The following SPIDR variants were observed in gnomAD, a reference collection of about 807,000 sequenced individuals.
SPIDR encodes the protein scaffold protein involved in DNA repair.
SPIDR carries 93 observed loss-of-function variants against 104.6 expected under a neutral mutation model. The observed-to-expected ratio is 0.89, with a 90% CI of 0.75 to 1.06. The LOEUF (loss-of-function observed/expected upper bound fraction) is 1.06. Ranked by LOEUF, SPIDR falls within the 50% of genes least tolerant of loss-of-function variation. SPIDR has a pLI of 0.00. For synonymous variants in SPIDR, 431 were observed against 416.9 expected (o/e 1.03, Z -0.41); for missense variants, 1,154 against 1,111.2 (o/e 1.04, Z -0.55).
intron 5 of SPIDR, among the ~76,000 whole-genome samples, chr8:47,304,760 G>A (rs974679599): frequency 2.0e-5 from 3 of 152,212 alleles, no homozygotes; most frequent in South Asian, 4.2e-4. Flanking sequence ...CCAGTCTCAG[G>A]TATATCTTTA....
chr8:47,356,220 G>A (rs1227132964), intron 5 of SPIDR, among the ~76,000 whole-genome samples: 1 of 152,162 alleles, frequency 6.6e-6, no homozygotes, highest in Non-Finnish European at 1.5e-5. Context: ...CGTGAAAATA[G>A]AATTGGTGAT....
intron 11 of SPIDR, among the ~76,000 whole-genome samples, chr8:47,681,156 T>G (rs2077049456): frequency 6.6e-6 from 1 of 152,266 alleles, no homozygotes. Context: ...AGCAGCATGC[T>G]GTTACTTCAA....
intron 10 of SPIDR, among the ~76,000 whole-genome samples, chr8:47,638,167 G>A (rs2068256286): frequency 6.6e-6 from 1 of 151,900 alleles, no homozygotes; most frequent in Admixed American, 6.6e-5. Context: ...CCCTGTCACT[G>A]TAAGATGTGC....
intron 8 of SPIDR, among the ~76,000 whole-genome samples, chr8:47,546,284 G>T (rs959027610): frequency 1.3e-5 from 2 of 152,114 alleles, no homozygotes; most frequent in Admixed American, 6.5e-5. Flanking sequence ...AATTTACTTA[G>T]TAGTCATAGG....
intron 1 of SPIDR, among the ~76,000 whole-genome samples, chr8:47,261,718 A>G (rs1027098133): frequency 6.6e-6 from 1 of 152,192 alleles, no homozygotes; most frequent in Admixed American, 6.5e-5. Flanking sequence ...CCTGGAAAAA[A>G]TAGACCACAT....
At chr8:47,501,249 A>C (rs1222118191) in intron 8 of SPIDR, among the ~76,000 whole-genome samples, 2 of 152,248 alleles carry the variant, frequency 1.3e-5, no homozygotes, top group Middle Eastern at 3.4e-3. Flanking sequence ...GGCCATTTTC[A>C]CAATATTGAT....
intron 8 of SPIDR, among the ~76,000 whole-genome samples, chr8:47,449,218 C>A (rs2071248351): frequency 6.6e-6 from 1 of 152,152 alleles, no homozygotes; most frequent in Non-Finnish European, 1.5e-5. Flanking sequence ...ACAAGGAAGA[C>A]AACTAAGTCT....
At chr8:47,410,826 C>T (rs1463078272) in intron 7 of SPIDR, among the ~76,000 whole-genome samples, 1 of 152,116 alleles carries the variant, frequency 6.6e-6, no homozygotes, top group African/African-American at 2.4e-5. Flanking sequence ...AACCCCACAA[C>T]AGGCCTCAGT....
chr8:47,292,853 C>T (rs1031503605), intron 4 of SPIDR, among the ~76,000 whole-genome samples: 9 of 151,906 alleles, frequency 5.9e-5, no homozygotes, highest in African/African-American at 2.2e-4. Context: ...GTGATGGGCT[C>T]TTTTTAGGCA....
chr8:47,369,192 T>A (rs1384594476), intron 5 of SPIDR, among the ~76,000 whole-genome samples: 1 of 152,186 alleles, frequency 6.6e-6, no homozygotes, highest in Admixed American at 6.5e-5. Context: ...TTCCCCTCTG[T>A]CCCTTTCAGT....
chr8:47,701,154 A>G (rs1032848497), intron 12 of SPIDR, among the ~76,000 whole-genome samples: 1 of 152,132 alleles, frequency 6.6e-6, no homozygotes, highest in South Asian at 2.1e-4. Context: ...GTAGTTGTCA[A>G]AGCACACGGT....
intron 8 of SPIDR, among the ~76,000 whole-genome samples, chr8:47,475,911 T>C (rs1221481499): frequency 6.6e-6 from 1 of 152,206 alleles, no homozygotes; most frequent in East Asian, 1.9e-4. Flanking sequence ...TCTATTTTTT[T>C]GGTTATTGGT....
intron 8 of SPIDR, among the ~76,000 whole-genome samples, chr8:47,446,942 C>T (rs1448729738): frequency 2.6e-5 from 4 of 152,148 alleles, no homozygotes; most frequent in Admixed American, 2.6e-4. Context: ...ACTCACCATT[C>T]TACCTCCCAT....
chr8:47,437,041 A>G (rs1362683570), intron 7 of SPIDR, among the ~76,000 whole-genome samples: 1 of 152,246 alleles, frequency 6.6e-6, no homozygotes, highest in East Asian at 1.9e-4. Context: ...ATTTGGTGCT[A>G]TAGATCTTGA....
chr8:47,418,636 G>A (rs1554677278), intron 7 of SPIDR, among the ~76,000 whole-genome samples: 1 of 152,080 alleles, frequency 6.6e-6, no homozygotes, highest in African/African-American at 2.4e-5. Context: ...GATTGCCCTG[G>A]CCAGAACTTC....
intron 7 of SPIDR, among the ~76,000 whole-genome samples, chr8:47,430,212 G>A (rs978444514): frequency 4.6e-5 from 7 of 152,160 alleles, no homozygotes; most frequent in Admixed American, 1.3e-4. Context: ...TAATCCTTAA[G>A]CTAATTTCTC....
chr8:47,470,761 G>A lies in SPIDR; in HGVS notation c.1097+30219G>A, dbSNP rs181208455. On this transcript the variant is annotated intron_variant, in intron 8 of 19. Transcript: ENST00000297423. ...AAAACTCTTTTTTTTTTGAGACGGA[G>A]TCTGGCTCTGTAGCCCAGGCTGGAG... is the stretch of plus-strand genomic sequence containing the variant. 3.8e-3 allele frequency among the ~76,000 whole-genome samples: 573 copies of A among 151,546 alleles called. 2 individuals are homozygous for A. Among genetic ancestry groups the A allele is most frequent in the South Asian group, 0.022 (105 of 4,804 alleles).
intron 10 of SPIDR, among the ~76,000 whole-genome samples, chr8:47,614,119 C>T (rs1224836088): frequency 1.3e-5 from 2 of 152,104 alleles, no homozygotes; most frequent in Non-Finnish European, 2.9e-5. Context: ...GAACATGTAG[C>T]GTTTGGTTTT....
intron 5 of SPIDR, among the ~76,000 whole-genome samples, chr8:47,319,223 C>T (rs572545631): frequency 7.6e-4 from 115 of 152,166 alleles, no homozygotes; most frequent in South Asian, 3.7e-3. Context: ...AAGACACACA[C>T]AGGCTCAAAA....
Sources: gnomAD v4.1 joint callset for allele counts (sites outside exome capture counted in the v4.1 genomes callset) on GRCh38, gnomAD v4.1.1 for gene constraint, MANE v1.5 for transcripts, NCBI Gene and HGNC (gene_info 2026-07-23, HGNC 2026-07-21) for gene names.